The following CALCR variants were observed in gnomAD, a reference collection of about 807,000 sequenced individuals.
The protein encoded by CALCR is calcitonin receptor.
Under a neutral mutation model 59.5 loss-of-function variants are expected in CALCR, and 47 were observed. The observed-to-expected ratio is 0.79, with a 90% CI of 0.63 to 1.01. The LOEUF (loss-of-function observed/expected upper bound fraction) is 1.01, where lower values mean the gene tolerates loss of function less well. CALCR is among the 50% of genes least tolerant of loss of function. CALCR has a pLI of 0.00. For synonymous variants in CALCR, 213 were observed against 211.3 expected, an observed-to-expected ratio of 1.01 and a Z score of -0.07; for missense variants, 566 against 597.1, an observed-to-expected ratio of 0.95 and a Z score of 0.54.
intron 2 of CALCR, among the ~76,000 whole-genome samples, chr7:93,520,613 T>C (rs1308634209): frequency 6.6e-6 from 1 of 152,174 alleles, no homozygotes; most frequent in Non-Finnish European, 1.5e-5. Flanking sequence ...AATAATTCCA[T>C]GTACAGCTAT....
At chr7:93,495,782 C>T (rs1210875694) in intron 2 of CALCR, 1 of 852,488 alleles carries the variant, frequency 1.2e-6, no homozygotes, top group Non-Finnish European at 1.8e-6. Flanking sequence ...CAATGTGGAG[C>T]CTAAAAATCT....
At chr7:93,444,195 A>G (rs917732644) in intron 8 of CALCR, among the ~76,000 whole-genome samples, 1 of 152,060 alleles carries the variant, frequency 6.6e-6, no homozygotes, top group Non-Finnish European at 1.5e-5. Context: ...TTTAGCAGTA[A>G]AGAGGAGAGA....
At chr7:93,470,694 T>A (rs1800532344) in intron 6 of CALCR, among the ~76,000 whole-genome samples, 2 of 151,804 alleles carry the variant, frequency 1.3e-5, no homozygotes, top group South Asian at 4.1e-4. Context: ...AATTTTAATG[T>A]GACTATATTT....
At chr7:93,541,405 C>T (rs1028215295) in intron 2 of CALCR, among the ~76,000 whole-genome samples, 8 of 151,960 alleles carry the variant, frequency 5.3e-5, no homozygotes, top group Admixed American at 3.3e-4. Context: ...CCTGGTGATC[C>T]GCCTGCCTCG....
At position 93,426,375 on chromosome 7, in the gene CALCR, T is replaced by G. The variant is rs766225339; in HGVS notation, c.1406A>C (p.Glu469Ala). 1 of 1,604,366 alleles carries G rather than the reference T, an allele frequency of 6.2e-7. No individual in the cohort carries two copies. Among genetic ancestry groups the G allele is most frequent in the Non-Finnish European group, 8.5e-7 (1 of 1,171,248 alleles). Residue 469 changes from glutamate to alanine, a missense_variant, in exon 14 of 14, where the codon GAG (glutamate) becomes GCG (alanine). Coordinates refer to ENST00000426151, the MANE Select transcript of CALCR (RefSeq NM_001742.4). ...TCACATTCAAGCAGATGACTCTTGC[T>G]CTATGATATTCAAAGGGATGATCTC... ...SAEIIPLNII[E>A]QESSA
At chr7:93,564,440 T>C (rs1325344060) in intron 2 of CALCR, among the ~76,000 whole-genome samples, 2 of 152,024 alleles carry the variant, frequency 1.3e-5, no homozygotes, top group Non-Finnish European at 2.9e-5. Flanking sequence ...AACACATCAT[T>C]AACATTGATA....
chr7:93,556,381 C>T (rs1789606514), intron 2 of CALCR, among the ~76,000 whole-genome samples: 1 of 152,096 alleles, frequency 6.6e-6, no homozygotes, highest in East Asian at 1.9e-4. Context: ...AAATGTCTTT[C>T]ACTTTTTCAT....
intron 2 of CALCR, among the ~76,000 whole-genome samples, chr7:93,517,551 C>T (rs1209156216): frequency 1.3e-5 from 2 of 151,764 alleles, no homozygotes; most frequent in South Asian, 4.1e-4. Flanking sequence ...TTTTAGAATT[C>T]TTGAAGACTA....
intron 2 of CALCR, among the ~76,000 whole-genome samples, chr7:93,506,168 T>C (rs1025954546): frequency 2.0e-5 from 3 of 152,204 alleles, no homozygotes; most frequent in Non-Finnish European, 4.4e-5. Context: ...CTTAGTTTTC[T>C]TGGTATGAGA....
intron 2 of CALCR, among the ~76,000 whole-genome samples, chr7:93,524,310 C>T (rs976013214): frequency 2.6e-4 from 39 of 151,936 alleles, no homozygotes; most frequent in African/African-American, 9.2e-4. Flanking sequence ...GCTGGGACTA[C>T]AGGCGCCTGC....
chr7:93,535,984 G>A (rs958177702), intron 2 of CALCR, among the ~76,000 whole-genome samples: 2 of 151,766 alleles, frequency 1.3e-5, no homozygotes, highest in Non-Finnish European at 3.0e-5. Context: ...TTCTTAACCT[G>A]TATCACATTG....
At chr7:93,552,919 A>G (rs556853057) in intron 2 of CALCR, among the ~76,000 whole-genome samples, 1 of 152,284 alleles carries the variant, frequency 6.6e-6, no homozygotes, top group Non-Finnish European at 1.5e-5. Context: ...ACATATCACA[A>G]CTTTTGGGAA....
At chr7:93,508,925 C>T (rs745411519) in intron 2 of CALCR, among the ~76,000 whole-genome samples, 4 of 152,022 alleles carry the variant, frequency 2.6e-5, no homozygotes, top group Non-Finnish European at 4.4e-5. Flanking sequence ...ATTTCTGTAG[C>T]GCTGTGTTAA....
At chr7:93,528,451 C>T (rs533861775) in intron 2 of CALCR, among the ~76,000 whole-genome samples, 10 of 152,210 alleles carry the variant, frequency 6.6e-5, no homozygotes, top group East Asian at 1.9e-4. Context: ...CAACAGGCCC[C>T]GGTGTGTGAT....
intron 2 of CALCR, among the ~76,000 whole-genome samples, chr7:93,562,831 G>T (rs1436134373): frequency 6.6e-6 from 1 of 152,118 alleles, no homozygotes; most frequent in South Asian, 2.1e-4. Flanking sequence ...AGCAGTTAAG[G>T]TTTGAGATCA....
intron 2 of CALCR, among the ~76,000 whole-genome samples, chr7:93,567,544 T>TA (rs34197993): frequency 1.1e-4 from 16 of 151,652 alleles, no homozygotes; most frequent in African/African-American, 3.4e-4. Flanking sequence ...AAATTTTTTT[T>TA]ATAAAAAGTT....
At chr7:93,476,468 T>C (rs1043838126) in intron 5 of CALCR, among the ~76,000 whole-genome samples, 9 of 151,850 alleles carry the variant, frequency 5.9e-5, no homozygotes, top group Non-Finnish European at 1.3e-4. Context: ...TATGTATATG[T>C]TTATAATTTA....
At chr7:93,427,729 T>C (rs1799560436) in intron 13 of CALCR, among the ~76,000 whole-genome samples, 1 of 152,182 alleles carries the variant, frequency 6.6e-6, no homozygotes, top group Non-Finnish European at 1.5e-5. Flanking sequence ...TAAGGCTGAA[T>C]GGTTCTGTGG....
At chr7:93,572,052 T>C (rs979963237) in intron 2 of CALCR, among the ~76,000 whole-genome samples, 3 of 152,266 alleles carry the variant, frequency 2.0e-5, no homozygotes, top group South Asian at 2.1e-4. Flanking sequence ...TACTAAAACA[T>C]TTTCTGGATG....
Sources: gnomAD v4.1 joint callset for allele counts (sites outside exome capture counted in the v4.1 genomes callset) on GRCh38, gnomAD v4.1.1 for gene constraint, MANE v1.5 for transcripts, NCBI Gene and HGNC (gene_info 2026-07-23, HGNC 2026-07-21) for gene names.